The following SNAP91 variants were observed in gnomAD, a reference collection of about 807,000 sequenced individuals.
The protein encoded by SNAP91 is synaptosome associated protein 91.
SNAP91 carries 27 observed loss-of-function variants against 100.3 expected under a neutral mutation model. The ratio of observed to expected loss-of-function variants is 0.27; its 90% CI spans 0.20 to 0.37. The LOEUF is 0.37. SNAP91 is among the 10% of genes least tolerant of loss of function. The pLI, the probability that SNAP91 is intolerant of heterozygous loss-of-function variation, is 1.00. For synonymous variants in SNAP91, 404 were observed against 398.6 expected (o/e 1.01, Z -0.16); for missense variants, 986 against 1,123.7 (o/e 0.88, Z 1.75).
chr6:83,565,683 C>T (rs1795558238), intron 26 of SNAP91, among the ~76,000 whole-genome samples: 1 of 152,094 alleles, frequency 6.6e-6, no homozygotes, highest in Non-Finnish European at 1.5e-5. Flanking sequence ...AGAAGATATA[C>T]AAATGATCAA....
intron 10 of SNAP91, among the ~76,000 whole-genome samples, chr6:83,615,223 T>C (rs1409685381): frequency 6.6e-6 from 1 of 152,144 alleles, no homozygotes; most frequent in Admixed American, 6.5e-5. Flanking sequence ...GGCTTCTCTG[T>C]GACTGCAGCA....
At position 83,565,983 on chromosome 6, in the gene SNAP91, C is replaced by T. The variant is rs1306862189; in HGVS notation, c.2443-5036G>A. Among the ~76,000 whole-genome samples the T allele has an allele frequency of 3.3e-5, 5 of 152,022 alleles. No individual in the cohort carries two copies. The East Asian group carries it at 5.8e-4, about 18-fold the overall frequency. On this transcript the variant is annotated intron_variant, in intron 26 of 29. Transcript: ENST00000369694. ...TATTCCAAATAGAACTGAGGATATA[C>T]GCTCATATGGAAACTCATATATGAT...
At chr6:83,641,659 C>A (rs970735454) in intron 7 of SNAP91, among the ~76,000 whole-genome samples, 1 of 152,106 alleles carries the variant, frequency 6.6e-6, no homozygotes, top group Non-Finnish European at 1.5e-5. Context: ...TTAAAGAATT[C>A]TTTAAGTTTT....
chr6:83,670,258 T>C (rs1038249519), intron 2 of SNAP91, among the ~76,000 whole-genome samples: 3 of 144,990 alleles, frequency 2.1e-5, no homozygotes, highest in Non-Finnish European at 4.5e-5. Flanking sequence ...TTTTTTTTTT[T>C]CTATTATAAC....
chr6:83,659,425 CTTTTT>C, intron 5 of SNAP91, among the ~76,000 whole-genome samples: 1 of 124,028 alleles, frequency 8.1e-6, no homozygotes, highest in South Asian at 2.7e-4. Context: ...ATGTTTTCTT[CTTTTT>C]TTTTTTTTTT....
chr6:83,624,476 G>T (rs2096854312), intron 8 of SNAP91, among the ~76,000 whole-genome samples: 1 of 152,124 alleles, frequency 6.6e-6, no homozygotes, highest in Non-Finnish European at 1.5e-5. Flanking sequence ...GTGCTGGGCT[G>T]CTACAAAGAC....
In SNAP91 at chr6:83,592,566, T is replaced by C. The variant is rs376419762; in HGVS notation, c.1847-28A>G. 2.1e-5 allele frequency: 33 copies of C among 1,568,692 alleles called. No homozygotes were observed. The African/African-American group carries it at 4.1e-4, about 19-fold the overall frequency. The stretch of plus-strand genomic sequence containing the variant: ...GCAGTGAAGCACAGACAGGAAAAAG[T>C]GCATGTCACCCAAGGGAAAAGAAAA... On this transcript the variant is annotated intron_variant, in intron 20 of 29. Transcript: ENST00000369694.
rs114175236 is a variant in SNAP91 at position 83,559,988 on chromosome 6, G to A, written c.2631+116C>T. On this transcript the variant is annotated intron_variant, in intron 28 of 29. Coordinates refer to ENST00000369694, the MANE Select transcript of SNAP91 (RefSeq NM_001242792.2). ...TGTCTTCCAAGCTCCCTTTACTTCTGAAGCAACAGGTATGAGGATTACATT... is the reference window on the plus strand; with the variant it reads ...TGTCTTCCAAGCTCCCTTTACTTCTAAAGCAACAGGTATGAGGATTACATT... The A allele has an allele frequency of 3.8e-3, 3,161 of 836,492 alleles. 63 individuals are homozygous for A. The African/African-American group carries it at 0.048, about 13-fold the overall frequency. 51.8% of individuals were successfully genotyped at this position (836,492 alleles called of 1,614,324 possible).
intron 28 of SNAP91, among the ~76,000 whole-genome samples, 189 bp from the exon 29 acceptor site, chr6:83,556,434 C>G (rs1232115185): frequency 1.5e-5 from 2 of 133,560 alleles, no homozygotes; most frequent in Admixed American, 8.4e-5. Flanking sequence ...GAAAACAAAC[C>G]TGCAGAAGAT....
chr6:83,591,860 A>G (rs1343751370), intron 21 of SNAP91, among the ~76,000 whole-genome samples: 1 of 152,182 alleles, frequency 6.6e-6, no homozygotes, highest in Non-Finnish European at 1.5e-5. Context: ...TTCTAAGGAT[A>G]GTATTTAAGC....
At chr6:83,602,475 T>C (rs995415752) in intron 14 of SNAP91, among the ~76,000 whole-genome samples, 2 of 152,174 alleles carry the variant, frequency 1.3e-5, no homozygotes, top group Non-Finnish European at 2.9e-5. Flanking sequence ...AGAATTCAAA[T>C]ATGCTTCAAT....
intron 11 of SNAP91, among the ~76,000 whole-genome samples, chr6:83,611,740 A>G (rs1233048571): frequency 1.3e-5 from 2 of 151,442 alleles, no homozygotes; most frequent in Non-Finnish European, 2.9e-5. Context: ...TCTGTCACCC[A>G]GGCTGGAGTG....
chr6:83,594,328 C>T, intron 17 of SNAP91, 46 bp downstream of exon 17: 1 of 1,450,914 alleles, frequency 6.9e-7, no homozygotes, highest in Non-Finnish European at 9.5e-7. Context: ...GGGGGTTTTA[C>T]ATTAGGACAG....
Position 83,695,148 on chromosome 6 carries a change from G to A in SNAP91, c.130+12650C>T, listed in dbSNP as rs1243072261. Among the ~76,000 whole-genome samples the A allele has an allele frequency of 4.0e-5, 6 of 151,592 alleles. No homozygotes were observed. In the East Asian group the frequency reaches 1.2e-3, roughly 29 times the overall value. On this transcript the variant is annotated intron_variant, in intron 2 of 29. Coordinates refer to ENST00000369694, the MANE Select transcript of SNAP91 (RefSeq NM_001242792.2). ...AATAATTAGCTGGGTGTGTTGGCAT[G>A]AGCCTCTAATCCTACCTACTAGGGA...
At chr6:83,644,545 T>C (rs2097843512) in intron 7 of SNAP91, among the ~76,000 whole-genome samples, 2 of 152,222 alleles carry the variant, frequency 1.3e-5, no homozygotes. Context: ...ATTTCATGTT[T>C]GTGACATGAA....
Position 83,708,315 on chromosome 6 carries a change from G to C in SNAP91, c.-30-358C>G, listed in dbSNP as rs929767998. ...GGGTGCTGGACTAGCCACAACGTGC[G>C]TTGGGGTTATTCCCTGGGCGCCGCA... is the stretch of plus-strand genomic sequence containing the variant. On this transcript the variant is annotated intron_variant, in intron 1 of 29. Transcript: ENST00000369694. The C allele has an allele frequency of 1.6e-5, 3 of 185,664 alleles. No individual in the cohort carries two copies. The South Asian group carries it at 4.2e-4, about 26-fold the overall frequency. 11.5% of individuals were successfully genotyped at this position (185,664 alleles called of 1,614,324 possible). A position where few individuals can be genotyped will look rare whatever the true frequency, so the allele number is the denominator to read the frequency against.
intron 11 of SNAP91, among the ~76,000 whole-genome samples, chr6:83,611,607 G>A (rs2096077341): frequency 6.6e-6 from 1 of 152,000 alleles, no homozygotes; most frequent in Non-Finnish European, 1.5e-5. Flanking sequence ...AATTACAGCA[G>A]AAATTTAGTA....
At chr6:83,686,073 A>G (rs1327775038) in intron 2 of SNAP91, 1 of 723,560 alleles carries the variant, frequency 1.4e-6, no homozygotes, top group South Asian at 6.2e-5. Context: ...CAGTAGATGC[A>G]CAGTAGACAC....
At chr6:83,678,979 TC>T in intron 2 of SNAP91, 1 of 726,962 alleles carries the variant, frequency 1.4e-6, no homozygotes, top group Non-Finnish European at 1.8e-6. Flanking sequence ...GCCTTCTATA[TC>T]CACAAGGTCC....
Sources: allele counts gnomAD v4.1 joint callset (sites outside exome capture counted in the v4.1 genomes callset), GRCh38; gene constraint gnomAD v4.1.1; transcripts MANE v1.5; gene names NCBI Gene and HGNC (gene_info 2026-07-23, HGNC 2026-07-21).